NTMT1: variants seen among roughly 807,000 people sequenced by gnomAD.
The protein encoded by NTMT1 is N-terminal RCC1 methyltransferase.
NTMT1 carries 8 observed loss-of-function variants against 17.5 expected under a neutral mutation model. The ratio of observed to expected loss-of-function variants is 0.46; its 90% CI spans 0.27 to 0.82. NTMT1 has a LOEUF of 0.82. NTMT1 is among the 40% of genes least tolerant of loss of function. The pLI is 0.15. For synonymous variants in NTMT1, 128 were observed against 126.8 expected (o/e 1.01, Z -0.06); for missense variants, 221 against 303.5 (o/e 0.73, Z 2.02).
At chr9:129,619,614 C>G (rs1830569786) in intron 1 of NTMT1, 2 of 1,614,080 alleles carry the variant, frequency 1.2e-6, no homozygotes, top group Non-Finnish European at 1.7e-6. Flanking sequence ...GTAAGACTAT[C>G]CTGGAGGTGC....
intron 1 of NTMT1, among the ~76,000 whole-genome samples, chr9:129,618,056 C>T (rs1043474740): frequency 7.9e-5 from 12 of 152,274 alleles, no homozygotes; most frequent in African/African-American, 2.6e-4. Flanking sequence ...AGGAATGGTT[C>T]TGAGGCTCAG....
chr9:129,621,516 T>C (rs1303510644), upstream of NTMT1, among the ~76,000 whole-genome samples: 5 of 152,170 alleles, frequency 3.3e-5, no homozygotes, highest in South Asian at 2.1e-4. Context: ...ACCACCACAG[T>C]TGGCTAATTT....
At position 129,620,042 on chromosome 9, in the gene NTMT1, C is replaced by A; in HGVS notation, c.-55+10864C>A. On this transcript the variant is annotated intron_variant, in intron 1 of 3. Coordinates refer to the NTMT1 transcript ENST00000372486. The surrounding 1 kb of genome is among the most constrained non-coding windows in gnomAD (Gnocchi z 5.8). ...CCCCACCGGAAATGACTCGGGCCCG[C>A]CCCCCGGGCCCCGCGGGGCCTCACT... The A allele has an allele frequency of 1.4e-6, 2 of 1,451,540 alleles. No individual in the cohort carries two copies. The highest frequency in any genetic ancestry group is 9.1e-7 in the Non-Finnish European group (1 of 1,099,788). The allele number at this position is 1,451,540 out of a possible 1,614,324, so 89.9% of individuals were successfully genotyped here. A position where few individuals can be genotyped will look rare whatever the true frequency, so the allele number is the denominator to read the frequency against.
chr9:129,624,511 A>G (rs895991002), upstream of NTMT1, among the ~76,000 whole-genome samples: 9 of 152,218 alleles, frequency 5.9e-5, no homozygotes, highest in African/African-American at 2.2e-4. Flanking sequence ...TGCGGACTCA[A>G]TGCAGAAGGG....
chr9:129,634,906 G>A (rs1358558792), intron 3 of NTMT1: 6 of 393,110 alleles, frequency 1.5e-5, no homozygotes, highest in South Asian at 5.9e-5. Flanking sequence ...TCACTCCTCC[G>A]ATCCAAGCCT....
intron 1 of NTMT1, among the ~76,000 whole-genome samples, chr9:129,631,938 C>G (rs574690345): frequency 6.6e-6 from 1 of 152,138 alleles, no homozygotes; most frequent in African/African-American, 2.4e-5. Flanking sequence ...GTTCACAGCC[C>G]GGTGCCTGGC....
intron 2 of NTMT1, chr9:129,633,289 G>A: frequency 3.0e-6 from 1 of 330,978 alleles, no homozygotes; most frequent in Non-Finnish European, 5.4e-6. Flanking sequence ...GGGACCCCCA[G>A]TCCTGGAGCC....
chr9:129,633,900 ACAAGCTGGCAGCCAGCACAGAC>A (rs1831343003), intron 2 of NTMT1, among the ~76,000 whole-genome samples, 132 bp from the exon 3 acceptor site: 1 of 152,174 alleles, frequency 6.6e-6, no homozygotes, highest in African/African-American at 2.4e-5. Context: ...TCGACTCCGT[ACAAGCTGGCAGCCAGCACAGAC>A]CTCCCCACCA....
At chr9:129,618,871 T>G (rs1387314877) in intron 1 of NTMT1, among the ~76,000 whole-genome samples, 113 of 99,494 alleles carry the variant, frequency 1.1e-3, no homozygotes, top group Admixed American at 2.4e-3. Context: ...TTTTTGTGTT[T>G]TTTTTTTTTT....
At chr9:129,631,763 G>A (rs1022030636) in intron 1 of NTMT1, among the ~76,000 whole-genome samples, 2 of 152,186 alleles carry the variant, frequency 1.3e-5, no homozygotes, top group African/African-American at 2.4e-5. Flanking sequence ...CCCATCCATC[G>A]GTTTCAGCTT....
At chr9:129,630,288 C>T (rs992504113) in intron 1 of NTMT1, among the ~76,000 whole-genome samples, 5 of 152,194 alleles carry the variant, frequency 3.3e-5, no homozygotes, top group African/African-American at 9.6e-5. Flanking sequence ...GCCTGGGCAA[C>T]GTGGCAAAAC....
intron 1 of NTMT1, among the ~76,000 whole-genome samples, chr9:129,610,054 GGT>G (rs961766137): frequency 7.0e-6 from 1 of 142,472 alleles, no homozygotes; most frequent in African/African-American, 2.6e-5. Flanking sequence ...CTCGGTGGTG[GGT>G]GTGAGTGCCG....
At chr9:129,609,617 G>T (rs1294124010) in intron 1 of NTMT1, among the ~76,000 whole-genome samples, 1 of 151,696 alleles carries the variant, frequency 6.6e-6, no homozygotes, top group Non-Finnish European at 1.5e-5. Flanking sequence ...CCCTGTTGGG[G>T]CCCCTGGGGA....
chr9:129,623,827 TC>T (rs199519450), upstream of NTMT1, among the ~76,000 whole-genome samples: 199 of 140,910 alleles, frequency 1.4e-3, 14 homozygotes, highest in East Asian at 0.018. Context: ...TCTTTTCTTT[TC>T]TTTTTTTTTT....
At chr9:129,618,788 G>A (rs1051744303) in intron 1 of NTMT1, among the ~76,000 whole-genome samples, 2 of 151,882 alleles carry the variant, frequency 1.3e-5, no homozygotes, top group Non-Finnish European at 2.9e-5. Context: ...CGCCTCCCGG[G>A]TTCACACCAT....
At chr9:129,632,957 C>T (rs1259969536) in intron 2 of NTMT1, 92 bp downstream of exon 2, 7 of 1,426,492 alleles carry the variant, frequency 4.9e-6, no homozygotes. Context: ...ACATGTAACA[C>T]TGCAGGATTG....
intron 1 of NTMT1, among the ~76,000 whole-genome samples, chr9:129,611,359 CA>C (rs1294661309): frequency 1.3e-5 from 2 of 152,326 alleles, no homozygotes; most frequent in African/African-American, 4.8e-5. Flanking sequence ...GCAGGTGTGG[CA>C]GGGGCAAACC....
chr9:129,613,609 A>G lies in NTMT1; in HGVS notation c.-55+4431A>G, dbSNP rs1205616084. The G allele has an allele frequency of 6.2e-7, 1 of 1,613,886 alleles. No homozygotes were observed. Among genetic ancestry groups the G allele is most frequent in the Non-Finnish European group, 8.5e-7 (1 of 1,180,010 alleles). On this transcript the variant is annotated intron_variant, in intron 1 of 3. Coordinates refer to the NTMT1 transcript ENST00000372486. This position sits in a 1 kb window ranked among gnomAD's most constrained non-coding sequence, Gnocchi z 6.2. ...GACGCTCTGTTGGACTGCAGGAAAG[A>G]GGGCAGGGTGAGATCTCTGCCCAGG...
In NTMT1 at chr9:129,620,216, C is replaced by A; in HGVS notation, c.-55+11038C>A. 7.3e-7 allele frequency: 1 copy of A among 1,369,892 alleles called. No homozygotes were observed. The highest frequency in any genetic ancestry group is 1.8e-5 in the South Asian group (1 of 55,392). The allele number at this position is 1,369,892 out of a possible 1,614,324, so 84.9% of individuals were successfully genotyped here. On this transcript the variant is annotated intron_variant, in intron 1 of 3. Coordinates refer to the NTMT1 transcript ENST00000372486. The surrounding 1 kb of genome is among the most constrained non-coding windows in gnomAD (Gnocchi z 5.8). The stretch of plus-strand genomic sequence containing the variant: ...CCGGGGGCGCTCGCGCTCTCCAGGC[C>A]CTGGCTGCCTGGGCGCCGATTCCCG...
Sources: allele counts gnomAD v4.1 joint callset (sites outside exome capture counted in the v4.1 genomes callset), GRCh38; gene constraint gnomAD v4.1.1; non-coding constraint Gnocchi (gnomAD v3.1); transcripts MANE v1.5; gene names NCBI Gene and HGNC (gene_info 2026-07-23, HGNC 2026-07-21).